CCBE1: variants seen among roughly 807,000 people sequenced by gnomAD.
CCBE1 encodes the protein collagen and calcium binding EGF domains 1.
CCBE1 carries 37 observed loss-of-function variants against 50.0 expected under a neutral mutation model. The ratio of observed to expected loss-of-function variants is 0.74; its 90% CI spans 0.57 to 0.97. The LOEUF is 0.97. CCBE1 is among the 50% of genes least tolerant of loss of function. The pLI is 0.00. For synonymous variants in CCBE1, 234 were observed against 203.7 expected, an observed-to-expected ratio of 1.15 and a Z score of -1.27; for missense variants, 538 against 523.8, an observed-to-expected ratio of 1.03 and a Z score of -0.26.
At chr18:59,543,848 A>AAAAG (rs1568197032) in intron 2 of CCBE1, among the ~76,000 whole-genome samples, 6 of 134,148 alleles carry the variant, frequency 4.5e-5, no homozygotes, top group African/African-American at 1.8e-4. Flanking sequence ...AAAAAAAAAA[A>AAAAG]AAAAAAAAAA....
At chr18:59,438,167 G>T (rs1358976582) in intron 9 of CCBE1, 21 bp from the exon 10 acceptor site, 2 of 1,613,640 alleles carry the variant, frequency 1.2e-6, no homozygotes, top group Non-Finnish European at 8.5e-7. Context: ...AAAGGCCAGG[G>T]TTAGCTTTCT....
intron 2 of CCBE1, among the ~76,000 whole-genome samples, chr18:59,583,652 T>TGC (rs959897022): frequency 2.1e-5 from 2 of 94,208 alleles, no homozygotes; most frequent in African/African-American, 9.2e-5. Flanking sequence ...GTCACTGCTT[T>TGC]GCGTGTGTGT....
chr18:59,526,623 T>A (rs574140919), intron 2 of CCBE1, among the ~76,000 whole-genome samples: 1 of 152,268 alleles, frequency 6.6e-6, no homozygotes, highest in Non-Finnish European at 1.5e-5. Flanking sequence ...GGAGATCTTT[T>A]TAGCCTTTTG....
chr18:59,474,737 ACTT>A (rs575439803), intron 3 of CCBE1, among the ~76,000 whole-genome samples: 2 of 152,182 alleles, frequency 1.3e-5, no homozygotes, highest in Admixed American at 6.5e-5. Flanking sequence ...CAGGAGTCTG[ACTT>A]CTTCTTAAAC....
chr18:59,501,906 C>T lies in CCBE1; in HGVS notation c.213-21668G>A, dbSNP rs553020907. On this transcript the variant is annotated intron_variant, in intron 2 of 10. Coordinates refer to ENST00000439986, the MANE Select transcript of CCBE1 (RefSeq NM_133459.4). ...AATGCAGCCTTGACCTTCTGGACTC[C>T]CCTCACCTCAGCCTTCCAAGTAGCT... Among the ~76,000 whole-genome samples the T allele has an allele frequency of 3.3e-5, 5 of 152,258 alleles. No individual in the cohort carries two copies. In the East Asian group the frequency reaches 7.7e-4, roughly 24 times the overall value.
chr18:59,627,761 T>G (rs1599078025), intron 2 of CCBE1, among the ~76,000 whole-genome samples: 1 of 152,282 alleles, frequency 6.6e-6, no homozygotes, highest in East Asian at 1.9e-4. Context: ...CAGAGGAAAC[T>G]TGGCCCCACA....
chr18:59,527,258 T>C (rs1914863856), intron 2 of CCBE1, among the ~76,000 whole-genome samples: 1 of 152,208 alleles, frequency 6.6e-6, no homozygotes, highest in African/African-American at 2.4e-5. Flanking sequence ...TAATGCCCTT[T>C]GTCTTTTTTT....
intron 2 of CCBE1, among the ~76,000 whole-genome samples, chr18:59,506,695 C>A (rs1398725491): frequency 2.6e-5 from 4 of 152,188 alleles, no homozygotes; most frequent in Non-Finnish European, 5.9e-5. Flanking sequence ...AAGCCAGGGG[C>A]AGGGGAGCCC....
chr18:59,637,272 T>C (rs944783456), intron 2 of CCBE1, among the ~76,000 whole-genome samples: 1 of 152,338 alleles, frequency 6.6e-6, no homozygotes, highest in Non-Finnish European at 1.5e-5. Flanking sequence ...TCTTTCACTA[T>C]TAGTCTCTCA....
At chr18:59,578,524 A>G (rs2053034899) in intron 2 of CCBE1, among the ~76,000 whole-genome samples, 1 of 152,250 alleles carries the variant, frequency 6.6e-6, no homozygotes, top group African/African-American at 2.4e-5. Flanking sequence ...TCTGTTCACA[A>G]TAGCAAAGAC....
At chr18:59,597,946 A>C (rs919793611) in intron 2 of CCBE1, among the ~76,000 whole-genome samples, 1 of 152,208 alleles carries the variant, frequency 6.6e-6, no homozygotes, top group African/African-American at 2.4e-5. Context: ...CTCTCAAAGA[A>C]CAGAGCTTGG....
In CCBE1 at chr18:59,480,227, C is replaced by A; in HGVS notation, c.224G>T (p.Cys75Phe). 2 of 1,596,416 alleles carry A rather than the reference C, an allele frequency of 1.3e-6. No individual in the cohort carries two copies. Among genetic ancestry groups the A allele is most frequent in the Non-Finnish European group, 1.7e-6 (2 of 1,164,540 alleles). ...ELTTCYRKKC[C>F]KGYKFVLGQC... is the part of the protein sequence containing the mutation. ...TCCAAGAACAAATTTATATCCTTTG[C>A]AGCACTTTTTCCTAAGAGACAAACA... Residue 75 changes from cysteine to phenylalanine, a missense_variant, in exon 3 of 11, where the codon TGC becomes TTC. Coordinates refer to ENST00000439986, the MANE Select transcript of CCBE1 (RefSeq NM_133459.4).
chr18:59,507,505 C>G (rs563601302), intron 2 of CCBE1, among the ~76,000 whole-genome samples: 2 of 152,342 alleles, frequency 1.3e-5, no homozygotes, highest in Admixed American at 6.5e-5. Context: ...TCTTCCTTGT[C>G]AGATCCGCCA....
chr18:59,563,546 G>A (rs1041529984), intron 2 of CCBE1, among the ~76,000 whole-genome samples: 3 of 152,176 alleles, frequency 2.0e-5, no homozygotes, highest in Admixed American at 6.5e-5. Flanking sequence ...AGGCTGAGAA[G>A]CAGTAGACCC....
intron 2 of CCBE1, among the ~76,000 whole-genome samples, chr18:59,524,210 C>T (rs1914722452): frequency 1.3e-5 from 2 of 152,118 alleles, no homozygotes. Flanking sequence ...ATCCCAGTTA[C>T]TAGGGAGGCT....
chr18:59,580,612 G>A (rs976141351), intron 2 of CCBE1, among the ~76,000 whole-genome samples: 3 of 152,192 alleles, frequency 2.0e-5, no homozygotes, highest in African/African-American at 7.2e-5. Context: ...ATTCTTATCT[G>A]TGATATCAGG....
intron 2 of CCBE1, among the ~76,000 whole-genome samples, chr18:59,484,848 A>C (rs1226502846): frequency 6.6e-6 from 1 of 152,242 alleles, no homozygotes; most frequent in African/African-American, 2.4e-5. Flanking sequence ...CACCATTTAA[A>C]ATAAATAATG....
intron 2 of CCBE1, among the ~76,000 whole-genome samples, chr18:59,561,852 G>A (rs1341270528): frequency 6.6e-6 from 1 of 152,190 alleles, no homozygotes; most frequent in East Asian, 1.9e-4. Context: ...GAGACAGGGT[G>A]GATGGTGTGA....
intron 2 of CCBE1, among the ~76,000 whole-genome samples, chr18:59,559,972 G>A (rs2052710495): frequency 6.6e-6 from 1 of 152,104 alleles, no homozygotes; most frequent in Non-Finnish European, 1.5e-5. Flanking sequence ...GGGTGACAAT[G>A]GACTTTCACA....
Sources: gnomAD v4.1 joint callset for allele counts (sites outside exome capture counted in the v4.1 genomes callset) on GRCh38, gnomAD v4.1.1 for gene constraint, MANE v1.5 for transcripts, NCBI Gene and HGNC (gene_info 2026-07-23, HGNC 2026-07-21) for gene names.